The following MTBP variants were observed in gnomAD, a reference collection of about 807,000 sequenced individuals.
The protein encoded by MTBP is mdm2-binding protein.
A neutral mutation model predicts 117.0 loss-of-function variants in MTBP; 101 were observed. That is an observed-to-expected ratio of 0.86 (90% CI 0.73 to 1.02). MTBP has a LOEUF of 1.02. Among genes scored for constraint, MTBP ranks in the 50% least tolerant of loss-of-function variants. MTBP has a pLI of 0.00. For missense variants in MTBP, 970 were observed against 1,030.9 expected, an observed-to-expected ratio of 0.94 and a Z score of 0.81; for synonymous variants, 350 against 351.5, an observed-to-expected ratio of 1.00 and a Z score of 0.05.
chr8:120,520,934 C>T (rs988670612), intron 20 of MTBP, among the ~76,000 whole-genome samples: 2 of 151,796 alleles, frequency 1.3e-5, no homozygotes, highest in Non-Finnish European at 2.9e-5. Context: ...TTTATTTTAC[C>T]CTTTTGAGGA....
At chr8:120,498,354 G>A (rs1350301183) in intron 14 of MTBP, among the ~76,000 whole-genome samples, 1 of 152,172 alleles carries the variant, frequency 6.6e-6, no homozygotes, top group Non-Finnish European at 1.5e-5. Context: ...TCGCATATCA[G>A]TACCCAAGTT....
chr8:120,462,366 A>G (rs1294799759), intron 9 of MTBP, among the ~76,000 whole-genome samples: 1 of 152,168 alleles, frequency 6.6e-6, no homozygotes, highest in East Asian at 1.9e-4. Context: ...ACATGCGGAG[A>G]AAGTGAGAAG....
intron 10 of MTBP, among the ~76,000 whole-genome samples, chr8:120,470,604 T>G (rs1813796428): frequency 6.6e-6 from 1 of 152,196 alleles, no homozygotes; most frequent in Non-Finnish European, 1.5e-5. Flanking sequence ...GCCTTTGCTG[T>G]TTTTGTTTGT....
In MTBP at chr8:120,518,110, T is replaced by C. The variant is rs773692021; in HGVS notation, c.2496+10T>C. ...ACAGAAACACACACGGGTAAAGATT[T>C]ATTTCCCATTTTTCTTAGTTCTACA... is the stretch of plus-strand genomic sequence containing the variant. On this transcript the variant is annotated intron_variant, in intron 19 of 21. Transcript: ENST00000305949. 6.2e-7 allele frequency: 1 copy of C among 1,608,026 alleles called. No homozygotes were observed. The highest frequency in any genetic ancestry group is 8.5e-7 in the Non-Finnish European group (1 of 1,176,768).
Position 120,459,289 on chromosome 8 carries a change from A to G in MTBP, c.822A>G (p.Leu274=). ...TTAAGAATTTTAGTACTTCTAATTT[A>G]AATACTGACTTCCTTGCCAAAAAGA... ...VTLKNFSTSN[L]NTDFLAKKII... The change falls in exon 8 of 22, where the codon TTA becomes TTG. Residue 274 remains leucine, a synonymous_variant. Coordinates refer to ENST00000305949, the MANE Select transcript of MTBP (RefSeq NM_022045.5). The G allele has an allele frequency of 6.2e-7, 1 of 1,611,956 alleles. No individual in the cohort carries two copies. Among genetic ancestry groups the G allele is most frequent in the Non-Finnish European group, 8.5e-7 (1 of 1,178,902 alleles).
intron 7 of MTBP, among the ~76,000 whole-genome samples, chr8:120,459,001 G>C (rs1477943362): frequency 6.6e-6 from 1 of 152,086 alleles, no homozygotes; most frequent in Non-Finnish European, 1.5e-5. Context: ...GCTGGTGAAG[G>C]ACCAACGAGA....
intron 11 of MTBP, among the ~76,000 whole-genome samples, chr8:120,477,776 G>A (rs542793986): frequency 6.6e-6 from 1 of 152,204 alleles, no homozygotes; most frequent in Non-Finnish European, 1.5e-5. Flanking sequence ...AGGATCTGGA[G>A]AAATAGGAAC....
chr8:120,487,433 A>G (rs1814243581), intron 11 of MTBP, among the ~76,000 whole-genome samples: 1 of 152,182 alleles, frequency 6.6e-6, no homozygotes, highest in African/African-American at 2.4e-5. Flanking sequence ...TCTTCCAGAT[A>G]TTAGTTCTTG....
Position 120,459,332 on chromosome 8 carries a change from A to G in MTBP, c.865A>G (p.Lys289Glu). 2 of 1,606,624 alleles carry G rather than the reference A, an allele frequency of 1.2e-6. No individual in the cohort carries two copies. The highest frequency in any genetic ancestry group is 1.7e-6 in the Non-Finnish European group (2 of 1,177,412). ...CAAAAAGATCATACCATCAAAGGATAAGAATATTTTGCCAAAGGTAATCGT... is the reference window on the plus strand; with the variant it reads ...CAAAAAGATCATACCATCAAAGGATGAGAATATTTTGCCAAAGGTAATCGT... ...LAKKIIPSKD[K>E]NILPKVFHYY... Residue 289 changes from lysine (K) to glutamate (E), a missense_variant, in exon 8 of 22, where the codon AAG becomes GAG. Physicochemically the swap from Lys to Glu is moderately conservative, Grantham distance 56 (BLOSUM62 1). Coordinates refer to ENST00000305949, the MANE Select transcript of MTBP (RefSeq NM_022045.5).
At chr8:120,494,448 A>G (rs1000916414) in intron 13 of MTBP, among the ~76,000 whole-genome samples, 10 of 152,210 alleles carry the variant, frequency 6.6e-5, no homozygotes, top group Non-Finnish European at 1.5e-4. Context: ...TTCAAGTGGC[A>G]AACAGCAATG....
chr8:120,507,667 T>G (rs1314472272), intron 16 of MTBP, among the ~76,000 whole-genome samples: 2 of 152,280 alleles, frequency 1.3e-5, no homozygotes, highest in East Asian at 1.9e-4. Context: ...GGCAGTTATA[T>G]CTCAGAAATA....
Position 120,510,030 on chromosome 8 carries a change from G to C in MTBP, c.1979+1G>C. 6.3e-7 allele frequency: 1 copy of C among 1,599,954 alleles called. No individual in the cohort carries two copies. Among genetic ancestry groups the C allele is most frequent in the South Asian group, 1.1e-5 (1 of 89,886 alleles). On this transcript the variant is annotated splice_donor_variant, in intron 17 of 21. Coordinates refer to ENST00000305949, the MANE Select transcript of MTBP (RefSeq NM_022045.5). LOFTEE classifies it high-confidence loss of function. ...CAGTATGTCATTATCATGGAATTGA[G>C]TAAGTTTTTATTTGTACTTTACTCT...
chr8:120,521,863 CGGT>C (rs67462051), intron 20 of MTBP, among the ~76,000 whole-genome samples: 62,657 of 128,882 alleles, frequency 0.49, 18,058 homozygotes, highest in Non-Finnish European at 0.64. Flanking sequence ...TGGATGCTCA[CGGT>C]GGAGGATGGG....
chr8:120,445,653 G>C (rs1813209216), intron 1 of MTBP, 65 bp downstream of exon 1: 1 of 1,328,228 alleles, frequency 7.5e-7, no homozygotes, highest in South Asian at 1.3e-5. Flanking sequence ...TGAGTTTTGT[G>C]ATCAAGTTCT....
chr8:120,504,693 C>G (rs1814656981), intron 15 of MTBP, among the ~76,000 whole-genome samples: 1 of 151,856 alleles, frequency 6.6e-6, no homozygotes, highest in Non-Finnish European at 1.5e-5. Flanking sequence ...TTCTTCAATA[C>G]TATTCTTCCC....
At chr8:120,455,383 A>G in intron 5 of MTBP, 52 bp from the exon 6 acceptor site, 4 of 1,184,698 alleles carry the variant, frequency 3.4e-6, no homozygotes, top group East Asian at 2.5e-5. Context: ...ATTTTGAGAC[A>G]TTTCAGATCT....
In MTBP at chr8:120,455,118, T is replaced by C. The variant is rs372303474; in HGVS notation, c.485-317T>C. ...ACAATAGCATTGATGATCATGAGAG[T>C]GATGTGTGTAATTAACCACTGCTGC... On this transcript the variant is annotated intron_variant, in intron 5 of 21. Coordinates refer to ENST00000305949, the MANE Select transcript of MTBP (RefSeq NM_022045.5). Among the ~76,000 whole-genome samples the C allele has an allele frequency of 1.4e-3, 214 of 151,794 alleles. 3 individuals carry two copies. The highest frequency in any genetic ancestry group is 4.9e-3 in the African/African-American group (202 of 41,494).
chr8:120,497,606 A>T, intron 14 of MTBP, 52 bp downstream of exon 14: 1 of 1,078,608 alleles, frequency 9.3e-7, no homozygotes. Flanking sequence ...GGCAACTATG[A>T]CATTTATTAT....
rs373145063 is a variant in MTBP, at chr8:120,516,123, A to G, written c.2178A>G (p.Glu726=). 6 of 1,612,742 alleles carry G rather than the reference A, an allele frequency of 3.7e-6. No individual in the cohort carries two copies. Among genetic ancestry groups the G allele is most frequent in the Non-Finnish European group, 5.1e-6 (6 of 1,179,132 alleles). The part of the protein sequence containing the change: ...SVPDGEVLQN[E]LRTEVSRLKR... ...CTGACGGAGAAGTTTTACAAAATGA[A>G]CTTCGAACTGAAGTATCCCGATTGA... The change falls in exon 18 of 22, where the codon GAA becomes GAG. Residue 726 remains glutamate (E), a synonymous_variant. Transcript: ENST00000305949.
Sources: allele counts gnomAD v4.1 joint callset (sites outside exome capture counted in the v4.1 genomes callset), GRCh38; gene constraint gnomAD v4.1.1; transcripts MANE v1.5; gene names NCBI Gene and HGNC (gene_info 2026-07-23, HGNC 2026-07-21).